Variants in TYRO3 observed in about 807,000 individuals in gnomAD.
TYRO3 encodes TYRO3 protein tyrosine kinase, also known as tyrosine-protein kinase receptor TYRO3.
A neutral mutation model predicts 95.2 loss-of-function variants in TYRO3; 38 were observed. That is an observed-to-expected ratio of 0.40 (90% CI 0.31 to 0.52). The LOEUF (loss-of-function observed/expected upper bound fraction) is 0.52, where lower values mean the gene tolerates loss of function less well. Ranked by LOEUF, TYRO3 falls within the 20% of genes least tolerant of loss-of-function variation. The pLI, the probability that TYRO3 is intolerant of heterozygous loss-of-function variation, is 0.56. For missense variants in TYRO3, 812 were observed against 1,116.4 expected, an observed-to-expected ratio of 0.73 and a Z score of 3.89; for synonymous variants, 367 against 432.9, an observed-to-expected ratio of 0.85 and a Z score of 1.89.
chr15:41,560,393 A>ATGTATG (rs1555395686), intron 1 of TYRO3, among the ~76,000 whole-genome samples: 3 of 120,448 alleles, frequency 2.5e-5, no homozygotes, highest in Non-Finnish European at 1.7e-5. Flanking sequence ...AGGTGCGTGT[A>ATGTATG]TGTGTGTGTG....
intron 5 of TYRO3, among the ~76,000 whole-genome samples, 162 bp downstream of exon 5, chr15:41,564,432 C>T (rs1287933377): frequency 2.6e-5 from 4 of 152,134 alleles, no homozygotes; most frequent in African/African-American, 7.2e-5. Flanking sequence ...AGTGGGAGCA[C>T]CTGAGACCCT....
chr15:41,570,062 G>C lies in TYRO3; in HGVS notation c.1288G>C (p.Val430Leu), dbSNP rs1345317920. Residue 430 changes from valine (V) to leucine (L), a missense_variant, in exon 10 of 19, where the codon GTA becomes CTA. Val to Leu is a conservative substitution (Grantham distance 32). Coordinates refer to ENST00000263798, the MANE Select transcript of TYRO3 (RefSeq NM_006293.4). The part of the protein sequence containing the change: ...QGPPHSRTSW[V>L]PVVLGVLTAL... Reference sequence around the variant, plus strand: ...CCCTCCTCACAGCCGCACATCCTGGGTACCTGTGGTCCTTGGTGTGCTAAC... The same window carrying C: ...CCCTCCTCACAGCCGCACATCCTGGCTACCTGTGGTCCTTGGTGTGCTAAC... 1 of 1,613,876 alleles carries C rather than the reference G, an allele frequency of 6.2e-7. No homozygotes were observed. Among genetic ancestry groups the C allele is most frequent in the Non-Finnish European group, 8.5e-7 (1 of 1,180,038 alleles).
At chr15:41,567,872 G>A (rs942408849) in intron 7 of TYRO3, among the ~76,000 whole-genome samples, 6 of 152,198 alleles carry the variant, frequency 3.9e-5, no homozygotes, top group Admixed American at 6.5e-5. Flanking sequence ...AATCACTGCC[G>A]GAAGAAGGCA....
chr15:41,573,949 C>T, intron 18 of TYRO3, 134 bp downstream of exon 18: 3 of 934,730 alleles, frequency 3.2e-6, no homozygotes, highest in Non-Finnish European at 4.8e-6. Flanking sequence ...GGCTGCACTC[C>T]ACCTCATACT....
At chr15:41,572,267 G>A (rs1200262266) in intron 14 of TYRO3, among the ~76,000 whole-genome samples, 176 bp from the exon 15 acceptor site, 1 of 152,204 alleles carries the variant, frequency 6.6e-6, no homozygotes, top group Non-Finnish European at 1.5e-5. Flanking sequence ...AGGGATATGG[G>A]AGCAGCCAGA....
At chr15:41,567,315 C>G (rs773930977) in intron 6 of TYRO3, 45 bp from the exon 7 acceptor site, 14 of 1,424,232 alleles carry the variant, frequency 9.8e-6, no homozygotes, top group Non-Finnish European at 1.3e-5. Context: ...TCTTCCATCT[C>G]TCACAGGCTC....
At chr15:41,573,587 G>GC (rs2055826528) in intron 17 of TYRO3, 92 bp from the exon 18 acceptor site, 7 of 1,447,962 alleles carry the variant, frequency 4.8e-6, no homozygotes, top group Non-Finnish European at 6.6e-6. Context: ...GAGGCCCTGA[G>GC]CCCCAGGTTG....
At chr15:41,576,839 T>G (rs908741201) in intron 18 of TYRO3, among the ~76,000 whole-genome samples, 2 of 151,716 alleles carry the variant, frequency 1.3e-5, no homozygotes, top group African/African-American at 2.4e-5. Context: ...TTAATTTTTT[T>G]TTTTAATAGA....
rs1207767244 is a variant in TYRO3 at position 41,579,448 on chromosome 15, C to G, written c.*1172C>G. ...CACTGCAACCTCTGCCTCCTGGGTT[C>G]AAGCGATTCTTGTGCCTCAGTCACC... is the stretch of plus-strand genomic sequence containing the variant. On this transcript the variant is annotated 3_prime_UTR_variant, in exon 19 of 19. Coordinates refer to ENST00000263798, the MANE Select transcript of TYRO3 (RefSeq NM_006293.4). 2 of 151,248 alleles carry G rather than the reference C, an allele frequency of 1.3e-5. No homozygotes were observed. The highest frequency in any genetic ancestry group is 3.9e-4 in the East Asian group (2 of 5,078). 9.4% of individuals were successfully genotyped at this position (151,248 alleles called of 1,614,324 possible). A position where few individuals can be genotyped will look rare whatever the true frequency, so the allele number is the denominator to read the frequency against.
intron 18 of TYRO3, among the ~76,000 whole-genome samples, chr15:41,574,133 T>C (rs1439646215): frequency 6.6e-6 from 1 of 152,214 alleles, no homozygotes; most frequent in Non-Finnish European, 1.5e-5. Context: ...CCTGCCATCT[T>C]CCCACCCGTC....
intron 18 of TYRO3, among the ~76,000 whole-genome samples, chr15:41,575,530 T>TACCC (rs1334401078): frequency 6.6e-6 from 1 of 152,204 alleles, no homozygotes; most frequent in Non-Finnish European, 1.5e-5. Flanking sequence ...TCTGGCCATG[T>TACCC]ACCCACGGCC....
chr15:41,561,099 C>T lies in TYRO3; in HGVS notation c.125-28C>T, dbSNP rs767931556. 1.9e-6 allele frequency: 3 copies of T among 1,613,556 alleles called. No homozygotes were observed. In the East Asian group the frequency reaches 6.7e-5, roughly 36 times the overall value. On this transcript the variant is annotated intron_variant, in intron 1 of 18. Transcript: ENST00000263798. ...TACAGAGACAGAGTCCCTCTCAAGG[C>T]TGACACATGTTCCTTCCCACCCCTC...
chr15:41,576,746 A>G (rs1477443463), intron 18 of TYRO3, among the ~76,000 whole-genome samples: 4 of 146,392 alleles, frequency 2.7e-5, no homozygotes, highest in Non-Finnish European at 3.0e-5. Context: ...TCACTGTAGC[A>G]TCAAACCCCT....
chr15:41,574,314 C>T (rs1251480240), intron 18 of TYRO3, among the ~76,000 whole-genome samples: 1 of 152,166 alleles, frequency 6.6e-6, no homozygotes, highest in Non-Finnish European at 1.5e-5. Context: ...ACTGCCTCCT[C>T]TTCTTTCTGC....
chr15:41,560,470 G>A (rs1328678442), intron 1 of TYRO3, among the ~76,000 whole-genome samples: 1 of 148,490 alleles, frequency 6.7e-6, no homozygotes, highest in East Asian at 1.9e-4. Context: ...CCAAAGAGTG[G>A]CCCCTGTTAA....
intron 5 of TYRO3, 135 bp from the exon 6 acceptor site, chr15:41,564,891 C>T (rs949179843): frequency 3.1e-6 from 2 of 649,060 alleles, no homozygotes; most frequent in Non-Finnish European, 5.6e-6. Context: ...TACTGTGATC[C>T]TGGGAGTGCT....
intron 6 of TYRO3, among the ~76,000 whole-genome samples, chr15:41,566,390 C>T (rs1165822609): frequency 1.3e-5 from 2 of 151,542 alleles, no homozygotes; most frequent in African/African-American, 4.8e-5. Flanking sequence ...CACCCCTTTC[C>T]CCGGGGCAAA....
chr15:41,571,490 TC>T (rs2055794759), intron 13 of TYRO3, 104 bp from the exon 14 acceptor site: 1 of 800,048 alleles, frequency 1.2e-6, no homozygotes, highest in South Asian at 1.5e-5. Context: ...TTTCCTGGGC[TC>T]CCTGGGAAGC....
In TYRO3 at chr15:41,578,418, G is replaced by A; in HGVS notation, c.*142G>A. ...CCTCCCAAGCTGTGCTGGGAAGCCC[G>A]GACTGACCAAATCACCCAATCCCAG... On this transcript the variant is annotated 3_prime_UTR_variant, in exon 19 of 19. Transcript: ENST00000263798. The A allele has an allele frequency of 4.5e-6, 5 of 1,105,950 alleles. No homozygotes were observed. The highest frequency in any genetic ancestry group is 3.3e-5 in the South Asian group (2 of 60,426). 68.5% of individuals were successfully genotyped at this position (1,105,950 alleles called of 1,614,324 possible). A position where few individuals can be genotyped will look rare whatever the true frequency, so the allele number is the denominator to read the frequency against.
Sources: allele counts gnomAD v4.1 joint callset (sites outside exome capture counted in the v4.1 genomes callset), GRCh38; gene constraint gnomAD v4.1.1; transcripts MANE v1.5; gene names NCBI Gene and HGNC (gene_info 2026-07-23, HGNC 2026-07-21).